MICOS10: variants seen among roughly 807,000 people sequenced by gnomAD.
The protein encoded by MICOS10 is mitochondrial contact site and cristae organizing system subunit 10.
A neutral mutation model predicts 13.4 loss-of-function variants in MICOS10; 5 were observed. The ratio of observed to expected loss-of-function variants is 0.37; its 90% CI spans 0.20 to 0.78. The LOEUF is 0.78. Ranked by LOEUF, MICOS10 falls within the 30% of genes least tolerant of loss-of-function variation. The pLI, the probability that MICOS10 is intolerant of heterozygous loss-of-function variation, is 0.47. For synonymous variants in MICOS10, 35 were observed against 33.6 expected (o/e 1.04, Z -0.15); for missense variants, 101 against 94.6 (o/e 1.07, Z -0.28).
chr1:19,608,920 T>C (rs2094846869), intron 1 of MICOS10, among the ~76,000 whole-genome samples: 2 of 151,412 alleles, frequency 1.3e-5, no homozygotes, highest in Non-Finnish European at 2.9e-5. Flanking sequence ...AGGCTACTAC[T>C]TCTGGCCTCA....
chr1:19,623,499 T>C lies in MICOS10; in HGVS notation c.138T>C (p.Gly46=), dbSNP rs2094911550. The change falls in exon 3 of 4, where the codon GGT becomes GGC. Residue 46 remains glycine (G), a synonymous_variant. Transcript: ENST00000322753. ...GAAGAATGTGGCCATTAGCCTTCGG[T>C]TCTGGCATGGGATTAGGAATGGCTT... ...FKRRMWPLAF[G]SGMGLGMAYS... is the part of the protein sequence containing the mutation. 6.2e-7 allele frequency: 1 copy of C among 1,612,620 alleles called. No individual in the cohort carries two copies. Among genetic ancestry groups the C allele is most frequent in the Middle Eastern group, 1.9e-4 (1 of 5,178 alleles).
chr1:19,596,998 G>A lies in MICOS10; in HGVS notation c.-48G>A, dbSNP rs539710076. On this transcript the variant is annotated 5_prime_UTR_variant, in exon 1 of 4. Transcript: ENST00000322753. The stretch of plus-strand genomic sequence containing the variant: ...GCTCTCGCGAGACTTTCAGGGGTCG[G>A]AGCGCGGGGGCCGGCCGAGAGGAAA... 101 of 1,554,922 alleles carry A rather than the reference G, an allele frequency of 6.5e-5. No individual in the cohort carries two copies. The highest frequency in any genetic ancestry group is 3.5e-4 in the Middle Eastern group (2 of 5,776).
At chr1:19,614,953 G>A (rs975613433) in intron 1 of MICOS10, among the ~76,000 whole-genome samples, 4 of 152,214 alleles carry the variant, frequency 2.6e-5, no homozygotes, top group Admixed American at 2.0e-4. Flanking sequence ...GTGCGTTCCC[G>A]TCTCCACAAA....
At chr1:19,619,846 GC>G (rs1190492049) in intron 1 of MICOS10, among the ~76,000 whole-genome samples, 1 of 152,190 alleles carries the variant, frequency 6.6e-6, no homozygotes, top group East Asian at 1.9e-4. Flanking sequence ...ATGGCCCTGT[GC>G]CTAATGTTAA....
At chr1:19,602,558 T>C (rs905541781) in intron 1 of MICOS10, among the ~76,000 whole-genome samples, 3 of 152,236 alleles carry the variant, frequency 2.0e-5, no homozygotes, top group Non-Finnish European at 2.9e-5. Context: ...AAAGCCTTAT[T>C]GCAGGAAATT....
chr1:19,612,582 G>C (rs1178087167), intron 1 of MICOS10, among the ~76,000 whole-genome samples: 1 of 152,092 alleles, frequency 6.6e-6, no homozygotes, highest in Non-Finnish European at 1.5e-5. Flanking sequence ...AATTAACTGG[G>C]TGTGGGGGTA....
chr1:19,600,611 G>T (rs1207629153), intron 1 of MICOS10, among the ~76,000 whole-genome samples: 1 of 152,136 alleles, frequency 6.6e-6, no homozygotes, highest in African/African-American at 2.4e-5. Flanking sequence ...GTGGGTTTTT[G>T]TTGTTTTTAA....
At chr1:19,622,194 A>G (rs369318812) in intron 2 of MICOS10, 47 bp downstream of exon 2, 1 of 1,494,806 alleles carries the variant, frequency 6.7e-7, no homozygotes, top group African/African-American at 1.4e-5. Flanking sequence ...GTGTATACAT[A>G]TACGTAGCAG....
intron 3 of MICOS10, chr1:19,625,425 C>T: frequency 7.8e-7 from 1 of 1,289,402 alleles, no homozygotes; most frequent in Non-Finnish European, 1.0e-6. Flanking sequence ...CTGCAGCCAG[C>T]CCATGTCTGC....
At chr1:19,603,402 C>T (rs919638160) in intron 1 of MICOS10, among the ~76,000 whole-genome samples, 2 of 152,230 alleles carry the variant, frequency 1.3e-5, no homozygotes, top group Non-Finnish European at 1.5e-5. Flanking sequence ...ACTTACTCTT[C>T]TTGAATGCCG....
At chr1:19,615,639 CAG>C (rs938027706) in intron 1 of MICOS10, among the ~76,000 whole-genome samples, 23 of 135,052 alleles carry the variant, frequency 1.7e-4, no homozygotes, top group Non-Finnish European at 2.7e-4. Flanking sequence ...GTGGCACAAT[CAG>C]GGGTCACTGC....
In MICOS10 at chr1:19,628,114, G is replaced by A. The variant is rs1281875645; in HGVS notation, c.*1713G>A. ...ATTTCTGAGATGGAATTTTGCTCTT[G>A]TTGCCCAGGCTGGAGTGCAATGGTG... On this transcript the variant is annotated 3_prime_UTR_variant, in exon 4 of 4. Coordinates refer to ENST00000322753, the MANE Select transcript of MICOS10 (RefSeq NM_001032363.4). The A allele has an allele frequency of 6.6e-6, 1 of 152,158 alleles. No individual in the cohort carries two copies. The allele number at this position is 152,158 out of a possible 1,614,324, so 9.4% of individuals were successfully genotyped here.
intron 1 of MICOS10, among the ~76,000 whole-genome samples, chr1:19,616,325 CA>C (rs976608172): frequency 4.6e-5 from 7 of 152,138 alleles, no homozygotes; most frequent in African/African-American, 1.7e-4. Context: ...TTTAATTTCA[CA>C]AGGATGAGAA....
intron 3 of MICOS10, chr1:19,625,779 C>A: frequency 2.3e-6 from 2 of 869,596 alleles, no homozygotes; most frequent in Non-Finnish European, 3.1e-6. Flanking sequence ...TGTCCTGCTC[C>A]AAAATGGCCT....
intron 1 of MICOS10, among the ~76,000 whole-genome samples, chr1:19,609,913 G>A (rs1252911075): frequency 6.6e-6 from 1 of 152,216 alleles, no homozygotes; most frequent in African/African-American, 2.4e-5. Context: ...GGGTAGCCGA[G>A]GTGGGCAGAT....
intron 1 of MICOS10, among the ~76,000 whole-genome samples, chr1:19,616,851 C>T (rs990091425): frequency 7.9e-5 from 12 of 152,292 alleles, no homozygotes; most frequent in Middle Eastern, 3.4e-3. Context: ...CACTGCCTAA[C>T]GCTTTGTAGA....
chr1:19,621,239 C>T (rs2094902297), intron 1 of MICOS10, among the ~76,000 whole-genome samples: 1 of 152,214 alleles, frequency 6.6e-6, no homozygotes, highest in African/African-American at 2.4e-5. Context: ...ACCAGGTCAA[C>T]TTCTTGTGTC....
Position 19,602,517 on chromosome 1 carries a change from G to A in MICOS10, c.64+5408G>A, listed in dbSNP as rs183832269. On this transcript the variant is annotated intron_variant, in intron 1 of 3. Transcript: ENST00000322753. ...GAGCACTTTTGTATTTAAACAAGTAGAGGGATGATGTTGGTTTAAGTGGTA... is the reference window on the plus strand; with the variant it reads ...GAGCACTTTTGTATTTAAACAAGTAAAGGGATGATGTTGGTTTAAGTGGTA... Among the ~76,000 whole-genome samples the A allele has an allele frequency of 2.8e-4, 43 of 152,328 alleles. No homozygotes were observed. The East Asian group carries it at 7.5e-3, about 27-fold the overall frequency.
chr1:19,598,611 TA>T (rs34959568), intron 1 of MICOS10, among the ~76,000 whole-genome samples: 18,546 of 141,136 alleles, frequency 0.13, 1,172 homozygotes, highest in African/African-American at 0.18. Flanking sequence ...ACCCTTCCCT[TA>T]AAAAAAAAAA....
Sources: gnomAD v4.1 joint callset for allele counts (sites outside exome capture counted in the v4.1 genomes callset) on GRCh38, gnomAD v4.1.1 for gene constraint, MANE v1.5 for transcripts, NCBI Gene and HGNC (gene_info 2026-07-23, HGNC 2026-07-21) for gene names.